The following VOPP1 variants were observed in gnomAD, a reference collection of about 807,000 sequenced individuals.
VOPP1 encodes VOPP1 WW domain binding protein.
In VOPP1, 8 loss-of-function variants were observed where a neutral mutation model predicts 23.5. The observed-to-expected ratio is 0.34, with a 90% CI of 0.20 to 0.61. The LOEUF is 0.61. Among genes scored for constraint, VOPP1 ranks in the 20% least tolerant of loss-of-function variants. VOPP1 has a pLI of 0.78. For synonymous variants in VOPP1, 83 were observed against 97.3 expected, an observed-to-expected ratio of 0.85 and a Z score of 0.86; for missense variants, 174 against 238.1, an observed-to-expected ratio of 0.73 and a Z score of 1.77.
chr7:55,488,282 C>T (rs1047313984), intron 4 of VOPP1, among the ~76,000 whole-genome samples: 1 of 152,204 alleles, frequency 6.6e-6, no homozygotes, highest in African/African-American at 2.4e-5. Context: ...CTGGGTCTCA[C>T]AGACCTCAGG....
At chr7:55,494,999 T>C (rs1793852167) in intron 3 of VOPP1, among the ~76,000 whole-genome samples, 1 of 152,110 alleles carries the variant, frequency 6.6e-6, no homozygotes, top group Non-Finnish European at 1.5e-5. Flanking sequence ...TTTTTAACAT[T>C]AGAAGTTACC....
intron 1 of VOPP1, among the ~76,000 whole-genome samples, chr7:55,550,822 C>T (rs10499755): frequency 0.092 from 13,935 of 152,188 alleles, 891 homozygotes; most frequent in East Asian, 0.27. Context: ...GACCTATTTT[C>T]GTGTCTGTAT....
intron 4 of VOPP1, among the ~76,000 whole-genome samples, chr7:55,450,426 AC>A (rs1791214909): frequency 6.6e-6 from 1 of 152,168 alleles, no homozygotes; most frequent in East Asian, 1.9e-4. Flanking sequence ...CACCAGCGCT[AC>A]CAGCTCTTAT....
At chr7:55,500,117 A>C (rs75162528) in intron 2 of VOPP1, among the ~76,000 whole-genome samples, 1 of 152,188 alleles carries the variant, frequency 6.6e-6, no homozygotes, top group Non-Finnish European at 1.5e-5. Context: ...TGGTGAGTTT[A>C]GGAGTGTGGA....
intron 1 of VOPP1, among the ~76,000 whole-genome samples, chr7:55,521,362 A>C (rs1795842305): frequency 6.6e-6 from 1 of 152,104 alleles, no homozygotes; most frequent in Non-Finnish European, 1.5e-5. Context: ...CTCTATATAC[A>C]CTGAGTGTCA....
At chr7:55,467,715 A>C (rs1464961780), downstream of VOPP1, among the ~76,000 whole-genome samples, 2 of 152,210 alleles carry the variant, frequency 1.3e-5, no homozygotes, top group African/African-American at 4.8e-5. Context: ...ATTTTACTGG[A>C]GGAAGCTGGC....
intron 2 of VOPP1, among the ~76,000 whole-genome samples, chr7:55,520,327 C>T (rs1434530783): frequency 6.6e-6 from 1 of 152,094 alleles, no homozygotes; most frequent in Non-Finnish European, 1.5e-5. Flanking sequence ...ATAGAGCTTT[C>T]GGGAAAATTT....
chr7:55,517,564 A>C (rs761376286), intron 2 of VOPP1, among the ~76,000 whole-genome samples: 34 of 152,102 alleles, frequency 2.2e-4, no homozygotes, highest in Admixed American at 1.9e-3. Flanking sequence ...CAGCAGGGCG[A>C]GCTGGGCTGG....
intron 1 of VOPP1, among the ~76,000 whole-genome samples, chr7:55,543,626 T>G (rs1348997055): frequency 6.6e-6 from 1 of 152,206 alleles, no homozygotes; most frequent in Non-Finnish European, 1.5e-5. Flanking sequence ...TGATATCTCA[T>G]GGTTTTGATT....
chr7:55,559,032 A>C (rs754243223), intron 1 of VOPP1, among the ~76,000 whole-genome samples: 5 of 152,200 alleles, frequency 3.3e-5, no homozygotes, highest in Non-Finnish European at 7.3e-5. Flanking sequence ...AAGCTTTGCA[A>C]ACAACTTGAG....
chr7:55,540,313 A>G (rs4948030), intron 1 of VOPP1, among the ~76,000 whole-genome samples: 142,774 of 151,564 alleles, frequency 0.94, 67,633 homozygotes, highest in East Asian at 1. Flanking sequence ...CAGGAGAATC[A>G]CTTTAACCCT....
intron 2 of VOPP1, among the ~76,000 whole-genome samples, chr7:55,508,802 T>C (rs1022580850): frequency 1.3e-5 from 2 of 152,198 alleles, no homozygotes; most frequent in African/African-American, 4.8e-5. Flanking sequence ...TCATTTTCCA[T>C]ACTAAAGTGA....
chr7:55,510,173 A>G (rs988627956), intron 2 of VOPP1, among the ~76,000 whole-genome samples: 2 of 152,216 alleles, frequency 1.3e-5, no homozygotes, highest in Non-Finnish European at 2.9e-5. Context: ...GAGCTTATAT[A>G]CCTTCTAAGC....
chr7:55,567,780 G>A (rs1798211123), intron 1 of VOPP1, among the ~76,000 whole-genome samples: 1 of 152,160 alleles, frequency 6.6e-6, no homozygotes, highest in Non-Finnish European at 1.5e-5. Flanking sequence ...ACTCCCTGCA[G>A]GATTCTTTTT....
chr7:55,521,395 TA>T (rs1179673171), intron 1 of VOPP1, among the ~76,000 whole-genome samples: 1 of 152,158 alleles, frequency 6.6e-6, no homozygotes, highest in Non-Finnish European at 1.5e-5. Context: ...AAAGGTAAAT[TA>T]AAGACAATCC....
chr7:55,475,937 G>A (rs952933240), intron 4 of VOPP1, among the ~76,000 whole-genome samples: 14 of 152,156 alleles, frequency 9.2e-5, no homozygotes, highest in African/African-American at 1.9e-4. Context: ...TCACGCTACC[G>A]CTAGAGCAGC....
chr7:55,555,302 C>T (rs977463314), intron 1 of VOPP1, among the ~76,000 whole-genome samples: 10 of 152,200 alleles, frequency 6.6e-5, no homozygotes, highest in Non-Finnish European at 1.0e-4. Context: ...CCAGCTCAAT[C>T]GCTGGCCCCA....
At chr7:55,440,838 C>T (rs1163466134) in intron 4 of VOPP1, among the ~76,000 whole-genome samples, 2 of 152,264 alleles carry the variant, frequency 1.3e-5, no homozygotes, top group South Asian at 2.1e-4. Flanking sequence ...TGGGACTCTT[C>T]CTGAGCCGTA....
At chr7:55,499,245 G>A (rs746170115) in intron 2 of VOPP1, among the ~76,000 whole-genome samples, 35 of 152,206 alleles carry the variant, frequency 2.3e-4, no homozygotes, top group Non-Finnish European at 4.3e-4. Context: ...TTGAGGTCAG[G>A]AGTTCGAGAC....
Sources: allele counts gnomAD v4.1 joint callset (sites outside exome capture counted in the v4.1 genomes callset), GRCh38; gene constraint gnomAD v4.1.1; transcripts MANE v1.5; gene names NCBI Gene and HGNC (gene_info 2026-07-23, HGNC 2026-07-21).